Variants in CACNA1E observed in about 807,000 individuals in gnomAD.
The protein encoded by CACNA1E is voltage-dependent R-type calcium channel subunit alpha-1E.
A neutral mutation model predicts 259.2 loss-of-function variants in CACNA1E; 40 were observed. The observed-to-expected ratio is 0.15, with a 90% confidence interval of 0.12 to 0.20. The LOEUF is 0.20. Ranked by LOEUF, CACNA1E falls within the 10% of genes least tolerant of loss-of-function variation. CACNA1E has a pLI of 1.00. For missense variants in CACNA1E, 1,874 were observed against 3,040.1 expected, an observed-to-expected ratio of 0.62 and a Z score of 9.02; for synonymous variants, 1,104 against 1,138.5, an observed-to-expected ratio of 0.97 and a Z score of 0.61.
chr1:181,612,435 C>G (rs1162073440), intron 6 of CACNA1E, among the ~76,000 whole-genome samples: 2 of 152,146 alleles, frequency 1.3e-5, no homozygotes, highest in East Asian at 3.9e-4. Context: ...TTGGAATGCT[C>G]AGGTGTAGTG....
chr1:181,712,725 T>A (rs754685379), intron 8 of CACNA1E, among the ~76,000 whole-genome samples: 3 of 149,620 alleles, frequency 2.0e-5, no homozygotes, highest in Non-Finnish European at 4.4e-5. Flanking sequence ...CCATGGGAGG[T>A]CAAGCAGATT....
intron 6 of CACNA1E, among the ~76,000 whole-genome samples, chr1:181,581,225 A>G (rs1321637397): frequency 6.6e-6 from 1 of 152,090 alleles, no homozygotes; most frequent in African/African-American, 2.4e-5. Context: ...AAAAAATTAT[A>G]CCAACTGAGC....
chr1:181,503,978 T>A (rs1558062645), intron 1 of CACNA1E, among the ~76,000 whole-genome samples: 1 of 152,192 alleles, frequency 6.6e-6, no homozygotes, highest in Non-Finnish European at 1.5e-5. Context: ...AAATGTCTAT[T>A]TGGTGTCATG....
At chr1:181,479,681 T>C (rs1462105312), upstream of CACNA1E, among the ~76,000 whole-genome samples, 2 of 152,224 alleles carry the variant, frequency 1.3e-5, no homozygotes, top group African/African-American at 4.8e-5. Flanking sequence ...AAGCATAGCA[T>C]TTCCATAGGC....
At chr1:181,604,436 G>T (rs1452593298) in intron 6 of CACNA1E, among the ~76,000 whole-genome samples, 2 of 152,212 alleles carry the variant, frequency 1.3e-5, no homozygotes, top group Non-Finnish European at 2.9e-5. Flanking sequence ...AGAAGCCCAG[G>T]TTGGCTACAC....
intron 2 of CACNA1E, among the ~76,000 whole-genome samples, chr1:181,472,327 T>C (rs1196044205): frequency 6.6e-6 from 1 of 152,172 alleles, no homozygotes; most frequent in Admixed American, 6.5e-5. Flanking sequence ...TGGAATAAAA[T>C]TAATAAAATT....
chr1:181,731,027 G>A (rs1191980433), intron 18 of CACNA1E, 148 bp from the exon 19 acceptor site: 1 of 659,088 alleles, frequency 1.5e-6, no homozygotes, highest in African/African-American at 1.8e-5. Flanking sequence ...ATCGAATGTG[G>A]GGAGTCTACA....
At position 181,392,195 on chromosome 1, in the gene CACNA1E, A is replaced by T. The variant is rs530143945; in HGVS notation, c.-14-20938A>T. Among the ~76,000 whole-genome samples the T allele has an allele frequency of 1.1e-4, 16 of 152,256 alleles. No homozygotes were observed. The East Asian group carries it at 2.5e-3, about 24-fold the overall frequency. ...TGGCATTAAAGCCTTTTAGGTTCTC[A>T]TCCAATCTTACCTTCCATGTTTCTC... is the stretch of plus-strand genomic sequence containing the variant. On this transcript the variant is annotated intron_variant, in intron 1 of 11. Coordinates refer to the CACNA1E transcript ENST00000524607.
At chr1:181,550,067 G>C (rs1045959771) in intron 3 of CACNA1E, among the ~76,000 whole-genome samples, 1 of 152,162 alleles carries the variant, frequency 6.6e-6, no homozygotes, top group African/African-American at 2.4e-5. Context: ...AAGGGGTGAG[G>C]CTGAGCTAGG....
At chr1:181,497,911 G>A (rs181657077) in intron 1 of CACNA1E, among the ~76,000 whole-genome samples, 37 of 152,264 alleles carry the variant, frequency 2.4e-4, no homozygotes, top group Non-Finnish European at 4.6e-4. Flanking sequence ...AGACATCCTG[G>A]CCTGGGTCAC....
At chr1:181,481,448 G>A (rs2102454132), upstream of CACNA1E, among the ~76,000 whole-genome samples, 1 of 152,158 alleles carries the variant, frequency 6.6e-6, no homozygotes. Flanking sequence ...CATACCCGTA[G>A]AAACACACAT....
chr1:181,755,326 C>T lies in CACNA1E; in HGVS notation c.3918C>T (p.Ile1306=), dbSNP rs369817357. 2.5e-6 allele frequency: 4 copies of T among 1,613,678 alleles called. No individual in the cohort carries two copies. Among genetic ancestry groups the T allele is most frequent in the Non-Finnish European group, 3.4e-6 (4 of 1,179,560 alleles). Residue 1306 remains isoleucine, a synonymous_variant, in exon 28 of 48, where the codon ATC becomes ATT. Transcript: ENST00000367573. Reference sequence around the variant, plus strand: ...TCTTCATGTTCATCTTTGCTGTCATCGCAGTTCAGCTCTTCAAGGGAAAGT... The same window carrying T: ...TCTTCATGTTCATCTTTGCTGTCATTGCAGTTCAGCTCTTCAAGGGAAAGT... ...YKLFMFIFAV[I]AVQLFKGKFF... is the part of the protein sequence containing the mutation.
intron 1 of CACNA1E, among the ~76,000 whole-genome samples, chr1:181,382,367 G>A (rs1655516622): frequency 6.6e-6 from 1 of 152,166 alleles, no homozygotes; most frequent in South Asian, 2.1e-4. Context: ...TTATCAATGG[G>A]TTTTTAGAAA....
Position 181,720,346 on chromosome 1 carries a change from C to G in CACNA1E, c.1883+9C>G, listed in dbSNP as rs1488129029. 3 of 1,610,616 alleles carry G rather than the reference C, an allele frequency of 1.9e-6. No individual in the cohort carries two copies. Among genetic ancestry groups the G allele is most frequent in the African/African-American group, 1.3e-5 (1 of 74,844 alleles). ...CAGTTATTTGGAGGCAGGTAAGTGCCCAGAAGCTTTCCATCCAAAGGAGGC... is the reference window on the plus strand; with the variant it reads ...CAGTTATTTGGAGGCAGGTAAGTGCGCAGAAGCTTTCCATCCAAAGGAGGC... On this transcript the variant is annotated intron_variant, in intron 14 of 47. Coordinates refer to ENST00000367573, the MANE Select transcript of CACNA1E (RefSeq NM_001205293.3).
At chr1:181,771,861 CA>C (rs1659548328) in intron 36 of CACNA1E, among the ~76,000 whole-genome samples, 1 of 152,098 alleles carries the variant, frequency 6.6e-6, no homozygotes, top group Non-Finnish European at 1.5e-5. Flanking sequence ...GATGGAGACG[CA>C]GTGGATGGGG....
At chr1:181,705,444 C>T (rs1652700794) in intron 7 of CACNA1E, among the ~76,000 whole-genome samples, 1 of 152,250 alleles carries the variant, frequency 6.6e-6, no homozygotes. Context: ...GAAAACTGTG[C>T]TCAACCATGC....
intron 34 of CACNA1E, 97 bp from the exon 35 acceptor site, chr1:181,766,449 G>A (rs1659031967): frequency 2.4e-6 from 2 of 826,166 alleles, no homozygotes; most frequent in Non-Finnish European, 4.2e-6. Context: ...GTTTGCATTA[G>A]CCTCCAGGCA....
rs775977638 is a variant in CACNA1E, at chr1:181,798,639, G to C, written c.6747G>C (p.Thr2249=). 1.2e-6 allele frequency: 2 copies of C among 1,610,550 alleles called. No individual in the cohort carries two copies. Among genetic ancestry groups the C allele is most frequent in the East Asian group, 4.5e-5 (2 of 44,786 alleles). ...CCTCAGACTGTGGTGAGGAGGAGAC[G>C]CTCACTTTCGAAGCAGCCGTGGCTA... ...SHASDCGEEE[T]LTFEAAVATS... Residue 2249 remains threonine, a synonymous_variant, in exon 48 of 48, where the codon ACG becomes ACC. Transcript: ENST00000367573. The surrounding 1 kb of genome is among the most constrained non-coding windows in gnomAD (Gnocchi z 4.2).
Position 181,461,402 on chromosome 1 carries a change from G to A in CACNA1E, c.435-22342G>A, listed in dbSNP as rs554319347. 4.2e-3 allele frequency among the ~76,000 whole-genome samples: 638 copies of A among 151,828 alleles called. 3 individuals are homozygous for A. The highest frequency in any genetic ancestry group is 0.014 in the African/African-American group (586 of 41,292). On this transcript the variant is annotated intron_variant, in intron 2 of 11. Coordinates refer to the CACNA1E transcript ENST00000524607. ...TAAAAATACAAAAAATTAGCCGGGC[G>A]TGGTGGCGGGCGCCTGTAGACCCAG...
Sources: allele counts gnomAD v4.1 joint callset (sites outside exome capture counted in the v4.1 genomes callset), GRCh38; gene constraint gnomAD v4.1.1; non-coding constraint Gnocchi (gnomAD v3.1); transcripts MANE v1.5; gene names NCBI Gene and HGNC (gene_info 2026-07-23, HGNC 2026-07-21).